The following LITAF variants were observed in gnomAD, a reference collection of about 807,000 sequenced individuals.
The protein encoded by LITAF is lipopolysaccharide induced TNF factor.
In LITAF, 9 loss-of-function variants were observed where a neutral mutation model predicts 14.5. The observed-to-expected ratio is 0.62, with a 90% CI of 0.37 to 1.08. The LOEUF (loss-of-function observed/expected upper bound fraction) is 1.08, where lower values mean the gene tolerates loss of function less well. LITAF is among the 50% of genes least tolerant of loss of function. The pLI is 0.01. For missense variants in LITAF, 206 were observed against 213.4 expected (o/e 0.97, Z 0.22); for synonymous variants, 98 against 88.2 (o/e 1.11, Z -0.62).
chr16:11,562,119 C>A (rs575530776), intron 1 of LITAF, among the ~76,000 whole-genome samples: 8 of 151,524 alleles, frequency 5.3e-5, no homozygotes, highest in African/African-American at 1.9e-4. Context: ...CAGGGTCTTG[C>A]TAAGCTGCCC....
At chr16:11,630,262 C>T (rs575347155) in intron 3 of LITAF, among the ~76,000 whole-genome samples, 3 of 152,266 alleles carry the variant, frequency 2.0e-5, no homozygotes, top group African/African-American at 2.4e-5. Context: ...CATGACTGAT[C>T]GATTGGTTTG....
intron 1 of LITAF, among the ~76,000 whole-genome samples, chr16:11,594,742 G>A (rs2064871812): frequency 6.6e-6 from 1 of 151,978 alleles, no homozygotes; most frequent in African/African-American, 2.4e-5. Flanking sequence ...CGGGCATGGT[G>A]GCTCGTGCCT....
At chr16:11,575,621 G>A (rs1374732433) in intron 1 of LITAF, 1 of 152,182 alleles carries the variant, frequency 6.6e-6, no homozygotes, top group Non-Finnish European at 1.5e-5. Flanking sequence ...CTAAAAATAA[G>A]CTTCAAAACC....
intron 1 of LITAF, among the ~76,000 whole-genome samples, chr16:11,594,131 A>G (rs2064866552): frequency 6.6e-6 from 1 of 151,910 alleles, no homozygotes; most frequent in South Asian, 2.1e-4. Context: ...GGTTGCAGTG[A>G]GCCGAGATGG....
chr16:11,582,209 GTA>G (rs2064748456), intron 1 of LITAF, among the ~76,000 whole-genome samples: 1 of 150,386 alleles, frequency 6.6e-6, no homozygotes, highest in Non-Finnish European at 1.5e-5. Context: ...CCATAAATGT[GTA>G]TGATTATTAT....
At chr16:11,601,588 G>T (rs186030596), upstream of LITAF, among the ~76,000 whole-genome samples, 699 of 149,220 alleles carry the variant, frequency 4.7e-3, 9 homozygotes, top group African/African-American at 0.016. Context: ...TAACTTTTTT[G>T]AGACAGGGTC....
intron 1 of LITAF, among the ~76,000 whole-genome samples, chr16:11,570,645 C>T (rs1438298353): frequency 6.6e-6 from 1 of 152,154 alleles, no homozygotes; most frequent in Non-Finnish European, 1.5e-5. Context: ...GGGGGTTATT[C>T]TGGATTAACC....
At chr16:11,592,367 G>A (rs764236275) in intron 1 of LITAF, among the ~76,000 whole-genome samples, 3 of 152,138 alleles carry the variant, frequency 2.0e-5, no homozygotes, top group Non-Finnish European at 4.4e-5. Flanking sequence ...CCAGAGGTCA[G>A]GAGTTTGAGA....
chr16:11,578,746 C>T (rs767958319), intron 1 of LITAF, among the ~76,000 whole-genome samples: 2 of 152,232 alleles, frequency 1.3e-5, no homozygotes, highest in Non-Finnish European at 2.9e-5. Context: ...CCCACAACCC[C>T]ACTGTAATCA....
At chr16:11,604,388 T>C (rs1026041802) in intron 3 of LITAF, among the ~76,000 whole-genome samples, 1 of 152,202 alleles carries the variant, frequency 6.6e-6, no homozygotes, top group African/African-American at 2.4e-5. Flanking sequence ...ACCCAACTAA[T>C]TGCACAGTTT....
chr16:11,636,369 T>G (rs1184490951), exon 1 of LITAF: 1 of 151,902 alleles, frequency 6.6e-6, no homozygotes, highest in Non-Finnish European at 1.5e-5. Flanking sequence ...CCAGAGAAAA[T>G]GGGTTACTGC....
At position 11,569,979 on chromosome 16, in the gene LITAF, C is replaced by T. The variant is rs139729566; in HGVS notation, c.-5-13244G>A. 3.1e-3 allele frequency among the ~76,000 whole-genome samples: 475 copies of T among 150,910 alleles called. 5 individuals are homozygous for T. The highest frequency in any genetic ancestry group is 0.011 in the African/African-American group (455 of 40,872). On this transcript the variant is annotated intron_variant, in intron 1 of 3. Coordinates refer to ENST00000622633, the MANE Select transcript of LITAF (RefSeq NM_001136472.2). ...CTGGGAAGCGGAGATTGCAGTGAGA[C>T]GAGACGCACTGCTGCACTCCCGCCT...
At chr16:11,618,692 A>C (rs1193516408) in intron 3 of LITAF, among the ~76,000 whole-genome samples, 2 of 147,932 alleles carry the variant, frequency 1.4e-5, no homozygotes, top group Non-Finnish European at 3.0e-5. Flanking sequence ...CAAATTAAAA[A>C]CCCCCGCACT....
At chr16:11,627,049 C>T (rs556006634) in intron 3 of LITAF, among the ~76,000 whole-genome samples, 2 of 152,192 alleles carry the variant, frequency 1.3e-5, no homozygotes, top group East Asian at 3.9e-4. Flanking sequence ...CCTAGGAACC[C>T]GGGTGTGGAC....
chr16:11,555,033 A>G (rs912996541), intron 2 of LITAF, among the ~76,000 whole-genome samples: 9 of 152,022 alleles, frequency 5.9e-5, no homozygotes, highest in Admixed American at 3.9e-4. Flanking sequence ...ACTTACGTGT[A>G]ATTTTTTTTT....
intron 1 of LITAF, among the ~76,000 whole-genome samples, chr16:11,570,011 C>T (rs1460638190): frequency 6.9e-6 from 1 of 145,386 alleles, no homozygotes; most frequent in East Asian, 1.9e-4. Context: ...GCCTGGGCCA[C>T]AGAGCGAGAC....
chr16:11,631,390 AC>A (rs1284430887), intron 3 of LITAF, among the ~76,000 whole-genome samples: 1 of 152,058 alleles, frequency 6.6e-6, no homozygotes, highest in Non-Finnish European at 1.5e-5. Context: ...AACACTCTGC[AC>A]ATGGCTTTTT....
chr16:11,601,748 C>T (rs141368366), upstream of LITAF, among the ~76,000 whole-genome samples: 7 of 152,154 alleles, frequency 4.6e-5, no homozygotes, highest in Admixed American at 1.3e-4. Flanking sequence ...TTTGTAGAGA[C>T]GGGGTTTTAC....
At chr16:11,592,342 G>A (rs2064852108) in intron 1 of LITAF, among the ~76,000 whole-genome samples, 3 of 152,312 alleles carry the variant, frequency 2.0e-5, no homozygotes, top group South Asian at 4.1e-4. Flanking sequence ...TTGGGAGACT[G>A]AGGCGGGCGG....
Sources: allele counts gnomAD v4.1 joint callset (sites outside exome capture counted in the v4.1 genomes callset), GRCh38; gene constraint gnomAD v4.1.1; transcripts MANE v1.5; gene names NCBI Gene and HGNC (gene_info 2026-07-23, HGNC 2026-07-21).